The following SPIDR variants were observed in gnomAD, a reference collection of about 807,000 sequenced individuals.
SPIDR encodes scaffold protein involved in DNA repair.
In SPIDR, 93 loss-of-function variants were observed where a neutral mutation model predicts 104.6. The observed-to-expected ratio is 0.89, with a 90% CI of 0.75 to 1.06. The LOEUF is 1.06. Among genes scored for constraint, SPIDR ranks in the 50% least tolerant of loss-of-function variants. SPIDR has a pLI of 0.00. For missense variants in SPIDR, 1,154 were observed against 1,111.2 expected, an observed-to-expected ratio of 1.04 and a Z score of -0.55; for synonymous variants, 431 against 416.9, an observed-to-expected ratio of 1.03 and a Z score of -0.41.
chr8:47,408,583 G>A (rs919882496), intron 7 of SPIDR, among the ~76,000 whole-genome samples: 1 of 152,154 alleles, frequency 6.6e-6, no homozygotes, highest in Non-Finnish European at 1.5e-5. Flanking sequence ...CTCTGCTTCT[G>A]TAGCCAGAGC....
At position 47,595,809 on chromosome 8, in the gene SPIDR, A is replaced by G; in HGVS notation, c.1098-2A>G. 3 of 1,613,054 alleles carry G rather than the reference A, an allele frequency of 1.9e-6. No homozygotes were observed. Among genetic ancestry groups the G allele is most frequent in the Non-Finnish European group, 1.7e-6 (2 of 1,179,742 alleles). ...ACTGTTGCATGTCTTTCTCTTTTCCAGGCAAAAACTGATTATTCCAAGTGG... is the reference window on the plus strand; with the variant it reads ...ACTGTTGCATGTCTTTCTCTTTTCCGGGCAAAAACTGATTATTCCAAGTGG... On this transcript the variant is annotated splice_acceptor_variant, in intron 8 of 19. Coordinates refer to ENST00000297423, the MANE Select transcript of SPIDR (RefSeq NM_001080394.4). LOFTEE classifies it high-confidence loss of function.
At chr8:47,483,537 C>T (rs782587524) in intron 8 of SPIDR, among the ~76,000 whole-genome samples, 10 of 151,982 alleles carry the variant, frequency 6.6e-5, no homozygotes, top group Non-Finnish European at 1.5e-4. Context: ...ATGGATGGCC[C>T]GTTTAGGATA....
intron 11 of SPIDR, among the ~76,000 whole-genome samples, chr8:47,674,470 TCTCCA>T (rs2076169673): frequency 6.6e-6 from 1 of 151,696 alleles, no homozygotes; most frequent in Non-Finnish European, 1.5e-5. Context: ...GCCTGTTACA[TCTCCA>T]GTAATCATTC....
At chr8:47,282,981 G>A (rs1554560009) in intron 2 of SPIDR, among the ~76,000 whole-genome samples, 8 of 151,786 alleles carry the variant, frequency 5.3e-5, no homozygotes, top group Non-Finnish European at 1.0e-4. Flanking sequence ...TCAGCCTCCC[G>A]AGTAGCTGGG....
rs865820188 is a variant in SPIDR at position 47,493,355 on chromosome 8, A to G, written c.1097+52813A>G. On this transcript the variant is annotated intron_variant, in intron 8 of 19. Transcript: ENST00000297423. The stretch of plus-strand genomic sequence containing the variant: ...ACCCAGAGTTAATGCCACAAATACC[A>G]TTATTATTTTAATATATTAAACAGG... 3.9e-5 allele frequency among the ~76,000 whole-genome samples: 6 copies of G among 152,288 alleles called. No individual in the cohort carries two copies. The South Asian group carries it at 6.2e-4, about 16-fold the overall frequency.
At chr8:47,524,254 A>G (rs1294930768) in intron 8 of SPIDR, among the ~76,000 whole-genome samples, 3 of 152,232 alleles carry the variant, frequency 2.0e-5, no homozygotes, top group African/African-American at 7.2e-5. Context: ...CAAACTAAGA[A>G]TTAACATAAA....
intron 8 of SPIDR, among the ~76,000 whole-genome samples, chr8:47,573,291 T>A (rs762500028): frequency 1.3e-5 from 2 of 152,176 alleles, no homozygotes; most frequent in Non-Finnish European, 2.9e-5. Flanking sequence ...ATGTTTCAAG[T>A]TAGTGTTACC....
chr8:47,335,261 T>A (rs1423440377), intron 5 of SPIDR, among the ~76,000 whole-genome samples: 1 of 152,206 alleles, frequency 6.6e-6, no homozygotes, highest in Non-Finnish European at 1.5e-5. Flanking sequence ...TTTTCTTTCT[T>A]CTGTAGAACT....
At chr8:47,538,027 TAGTC>T (rs1172946763) in intron 8 of SPIDR, among the ~76,000 whole-genome samples, 1 of 151,628 alleles carries the variant, frequency 6.6e-6, no homozygotes, top group Non-Finnish European at 1.5e-5. Context: ...ATACAAAAAT[TAGTC>T]AGGCGTGGTG....
intron 8 of SPIDR, among the ~76,000 whole-genome samples, chr8:47,464,807 C>A (rs1415554432): frequency 6.6e-6 from 1 of 152,076 alleles, no homozygotes; most frequent in Non-Finnish European, 1.5e-5. Context: ...CTCTCTCTGT[C>A]ACCCAGGCAG....
At chr8:47,503,334 A>G (rs979696761) in intron 8 of SPIDR, among the ~76,000 whole-genome samples, 1 of 152,138 alleles carries the variant, frequency 6.6e-6, no homozygotes, top group Non-Finnish European at 1.5e-5. Flanking sequence ...TATTGGGTGC[A>G]TATATATTTA....
intron 5 of SPIDR, among the ~76,000 whole-genome samples, chr8:47,328,049 G>A (rs1316383564): frequency 6.8e-6 from 1 of 146,372 alleles, no homozygotes; most frequent in African/African-American, 2.5e-5. Context: ...ATTCTTGGAT[G>A]CACAATAGTT....
chr8:47,557,046 A>G (rs2091410849), intron 8 of SPIDR, among the ~76,000 whole-genome samples: 1 of 152,212 alleles, frequency 6.6e-6, no homozygotes, highest in Non-Finnish European at 1.5e-5. Context: ...ATTTTCCCAG[A>G]GAGCAGCAGT....
intron 5 of SPIDR, among the ~76,000 whole-genome samples, chr8:47,370,748 C>A (rs1385674366): frequency 2.0e-5 from 3 of 151,826 alleles, no homozygotes; most frequent in African/African-American, 4.8e-5. Context: ...CCGTGCCTGG[C>A]CAACATTTAT....
chr8:47,713,312 T>C, intron 15 of SPIDR, 177 bp from the exon 16 acceptor site: 1 of 859,982 alleles, frequency 1.2e-6, no homozygotes, highest in Non-Finnish European at 1.8e-6. Flanking sequence ...TGAGTGCTTT[T>C]TTAGCTTAGC....
chr8:47,514,316 C>G (rs1360138061), intron 8 of SPIDR, among the ~76,000 whole-genome samples: 3 of 152,108 alleles, frequency 2.0e-5, no homozygotes, highest in Non-Finnish European at 4.4e-5. Context: ...CTAAACTCAT[C>G]CCTGGTCTCA....
intron 8 of SPIDR, chr8:47,546,917 A>G (rs571217486): frequency 2.5e-4 from 112 of 456,756 alleles, no homozygotes; most frequent in African/African-American, 2.2e-3. Flanking sequence ...CCAGTAACAA[A>G]AACGTTGGAA....
At position 47,401,509 on chromosome 8, in the gene SPIDR, A is replaced by G. The variant is rs143753734; in HGVS notation, c.776+4883A>G. Among the ~76,000 whole-genome samples the G allele has an allele frequency of 4.1e-3, 631 of 152,300 alleles. 5 individuals carry two copies. The highest frequency in any genetic ancestry group is 0.014 in the African/African-American group (595 of 41,562). ...ATAAACCTTAAATATAAATGGGCCA[A>G]ACTCTCCAATTAAAAGACAGAGACT... On this transcript the variant is annotated intron_variant, in intron 6 of 19. Coordinates refer to ENST00000297423, the MANE Select transcript of SPIDR (RefSeq NM_001080394.4).
chr8:47,460,358 G>A (rs1446843877), intron 8 of SPIDR, among the ~76,000 whole-genome samples: 1 of 152,016 alleles, frequency 6.6e-6, no homozygotes, highest in East Asian at 1.9e-4. Context: ...TGATATTTTC[G>A]TTTTGGACAA....
Sources: allele counts gnomAD v4.1 joint callset (sites outside exome capture counted in the v4.1 genomes callset), GRCh38; gene constraint gnomAD v4.1.1; transcripts MANE v1.5; gene names NCBI Gene and HGNC (gene_info 2026-07-23, HGNC 2026-07-21).